Variants in PRKG1 observed in about 807,000 individuals in gnomAD.
PRKG1 encodes cGMP-dependent protein kinase 1.
PRKG1 carries 35 observed loss-of-function variants against 88.1 expected under a neutral mutation model. That is an observed-to-expected ratio of 0.40 (90% CI 0.30 to 0.53). The LOEUF is 0.53. Among genes scored for constraint, PRKG1 ranks in the 20% least tolerant of loss-of-function variants. PRKG1 has a pLI of 0.59. For missense variants in PRKG1, 540 were observed against 839.8 expected, an observed-to-expected ratio of 0.64 and a Z score of 4.41; for synonymous variants, 303 against 292.5, an observed-to-expected ratio of 1.04 and a Z score of -0.37.
At chr10:52,254,084 T>A (rs1841250917) in intron 10 of PRKG1, among the ~76,000 whole-genome samples, 1 of 152,080 alleles carries the variant, frequency 6.6e-6, no homozygotes, top group Admixed American at 6.6e-5. Flanking sequence ...TGTTCATCTT[T>A]TACATACATT....
chr10:51,696,074 G>C (rs571017857), intron 3 of PRKG1: 1 of 152,234 alleles, frequency 6.6e-6, no homozygotes, highest in African/African-American at 2.4e-5. Context: ...TTGTCTCATT[G>C]GTATGTATAT....
intron 5 of PRKG1, among the ~76,000 whole-genome samples, chr10:51,917,345 A>G (rs1482205324): frequency 1.3e-5 from 2 of 150,792 alleles, no homozygotes; most frequent in Admixed American, 1.3e-4. Flanking sequence ...AAGAGTGTGG[A>G]TTTCTTTTTA....
intron 3 of PRKG1, among the ~76,000 whole-genome samples, chr10:51,545,929 T>G (rs1229039227): frequency 1.3e-5 from 2 of 152,022 alleles, no homozygotes; most frequent in African/African-American, 4.8e-5. Flanking sequence ...TCTCTTTTTT[T>G]CTCTGAACTA....
Position 51,034,666 on chromosome 10 carries a change from ATT to A in PRKG1, c.266+43024_266+43025del, listed in dbSNP as rs5784854. Among the ~76,000 whole-genome samples, 121 of 25,756 alleles carry A rather than the reference ATT, an allele frequency of 4.7e-3. 7 individuals are homozygous for A. In the East Asian group the frequency reaches 0.088, roughly 19 times the overall value. 16.9% of individuals were successfully genotyped at this position (25,756 alleles called of 152,430 possible). On this transcript the variant is annotated intron_variant, in intron 1 of 17. Transcript: ENST00000401604. ...TAAGCAAAATTATATATAATATGTT[ATT>A]TATATATATATATATATATATATAT...
At chr10:51,573,355 A>C (rs539444744) in intron 3 of PRKG1, among the ~76,000 whole-genome samples, 30 of 150,448 alleles carry the variant, frequency 2.0e-4, no homozygotes, top group African/African-American at 7.3e-4. Context: ...ATTAATACAC[A>C]TTGTATTTAA....
chr10:51,890,110 G>C (rs1420132025), intron 4 of PRKG1, among the ~76,000 whole-genome samples: 2 of 152,140 alleles, frequency 1.3e-5, no homozygotes, highest in Non-Finnish European at 2.9e-5. Flanking sequence ...TGCTTTTGGT[G>C]TATTAGACAT....
chr10:51,101,660 A>T (rs1022685587), intron 1 of PRKG1, among the ~76,000 whole-genome samples: 1 of 152,216 alleles, frequency 6.6e-6, no homozygotes, highest in Non-Finnish European at 1.5e-5. Flanking sequence ...TTTTATAAAA[A>T]TGCTCAATTC....
At chr10:51,324,878 A>G (rs552157222) in intron 2 of PRKG1, among the ~76,000 whole-genome samples, 2 of 152,308 alleles carry the variant, frequency 1.3e-5, no homozygotes, top group East Asian at 1.9e-4. Flanking sequence ...TATCACGTTC[A>G]TGTACTGATT....
intron 2 of PRKG1, among the ~76,000 whole-genome samples, chr10:51,215,341 T>A (rs1838343647): frequency 6.6e-6 from 1 of 152,218 alleles, no homozygotes; most frequent in African/African-American, 2.4e-5. Context: ...AAATTACAAG[T>A]GATTACAACT....
chr10:52,015,212 T>C (rs1185797646), intron 5 of PRKG1, among the ~76,000 whole-genome samples: 1 of 152,222 alleles, frequency 6.6e-6, no homozygotes, highest in Non-Finnish European at 1.5e-5. Context: ...TCCAGGCATT[T>C]CCATACATCC....
chr10:51,341,910 C>T (rs987280592), intron 2 of PRKG1, among the ~76,000 whole-genome samples: 2 of 152,084 alleles, frequency 1.3e-5, no homozygotes, highest in African/African-American at 4.8e-5. Context: ...ATTTGTAAAA[C>T]CATCAGATCT....
chr10:51,139,620 T>C (rs1209389164), intron 1 of PRKG1, among the ~76,000 whole-genome samples: 1 of 152,172 alleles, frequency 6.6e-6, no homozygotes, highest in Non-Finnish European at 1.5e-5. Context: ...GTTGTTTCCT[T>C]TTCCCCATCC....
At chr10:52,068,202 C>CAAAA (rs71032621) in intron 7 of PRKG1, among the ~76,000 whole-genome samples, 3,511 of 38,874 alleles carry the variant, frequency 0.09, 370 homozygotes, top group Non-Finnish European at 0.13. Flanking sequence ...AACTCCGTCT[C>CAAAA]AAAAAAAAAA....
chr10:51,705,776 G>A (rs1841590539), intron 3 of PRKG1, among the ~76,000 whole-genome samples: 2 of 152,192 alleles, frequency 1.3e-5, no homozygotes, highest in South Asian at 4.1e-4. Flanking sequence ...ATGTCAACTA[G>A]CAGAACGAGG....
intron 1 of PRKG1, among the ~76,000 whole-genome samples, chr10:51,022,976 G>A (rs1037006860): frequency 5.3e-5 from 8 of 152,170 alleles, no homozygotes; most frequent in South Asian, 2.1e-4. Context: ...CAGCCTGGGC[G>A]ACAATAGCGA....
At chr10:52,015,801 C>T (rs79851978) in intron 5 of PRKG1, among the ~76,000 whole-genome samples, 2,200 of 152,244 alleles carry the variant, frequency 0.014, 44 homozygotes, top group African/African-American at 0.046. Context: ...CTGCCAGATA[C>T]GCTAAATTAT....
intron 5 of PRKG1, among the ~76,000 whole-genome samples, chr10:51,988,643 C>A (rs1438917525): frequency 6.6e-6 from 1 of 151,966 alleles, no homozygotes; most frequent in Non-Finnish European, 1.5e-5. Context: ...ATTCAGGTTT[C>A]TTCTTCTGTG....
At chr10:51,993,707 G>A (rs1448974762) in intron 5 of PRKG1, among the ~76,000 whole-genome samples, 1 of 152,186 alleles carries the variant, frequency 6.6e-6, no homozygotes, top group Non-Finnish European at 1.5e-5. Context: ...TCACTATAGA[G>A]TTTCATGCAG....
intron 5 of PRKG1, among the ~76,000 whole-genome samples, chr10:51,984,356 G>A (rs1451077761): frequency 2.6e-5 from 4 of 152,084 alleles, no homozygotes; most frequent in Admixed American, 2.6e-4. Context: ...TATAAACAAA[G>A]TTTATTATTC....
Sources: gnomAD v4.1 joint callset for allele counts (sites outside exome capture counted in the v4.1 genomes callset) on GRCh38, gnomAD v4.1.1 for gene constraint, MANE v1.5 for transcripts, NCBI Gene and HGNC (gene_info 2026-07-23, HGNC 2026-07-21) for gene names.